Variants in ERCC6 observed in about 807,000 individuals in gnomAD.
ERCC6 encodes the protein ERCC excision repair 6, chromatin remodeling factor, also known as DNA excision repair protein ERCC-6.
A neutral mutation model predicts 158.7 loss-of-function variants in ERCC6; 116 were observed. The ratio of observed to expected loss-of-function variants is 0.73; its 90% CI spans 0.63 to 0.85. ERCC6 has a LOEUF of 0.85. Ranked by LOEUF, ERCC6 falls within the 40% of genes least tolerant of loss-of-function variation. The pLI is 0.00. For synonymous variants in ERCC6, 678 were observed against 659.3 expected (o/e 1.03, Z -0.43); for missense variants, 1,698 against 1,799.4 (o/e 0.94, Z 1.02).
chr10:49,470,267 G>T lies in ERCC6; in HGVS notation c.3693C>A (p.Tyr1231Ter). Residue 1231 changes from tyrosine (Y) to a stop codon, truncating the protein, a stop_gained, in exon 18 of 21, where the codon TAC (tyrosine) becomes TAA (stop). Coordinates refer to ENST00000355832, the MANE Select transcript of ERCC6 (RefSeq NM_000124.4). LOFTEE classifies it high-confidence loss of function. ...TCTTGTTTTCACTGTCTTGCTTCTGGTAACGCCTTTTCTTCACCAGGTGTG... is the reference window on the plus strand; with the variant it reads ...TCTTGTTTTCACTGTCTTGCTTCTGTTAACGCCTTTTCTTCACCAGGTGTG... ...RIPHLVKKRR[Y>*]QKQDSENKSE... 1 of 1,614,098 alleles carries T rather than the reference G, an allele frequency of 6.2e-7. No homozygotes were observed. The highest frequency in any genetic ancestry group is 8.5e-7 in the Non-Finnish European group (1 of 1,180,000).
At chr10:49,492,754 A>C (rs961535685) in intron 8 of ERCC6, among the ~76,000 whole-genome samples, 1 of 152,216 alleles carries the variant, frequency 6.6e-6, no homozygotes, top group African/African-American at 2.4e-5. Flanking sequence ...TTCTGTATCC[A>C]CCTTCCTAAA....
chr10:49,531,211 C>T (rs1006138533), intron 2 of ERCC6, among the ~76,000 whole-genome samples: 2 of 152,136 alleles, frequency 1.3e-5, no homozygotes, highest in Non-Finnish European at 2.9e-5. Context: ...AAGCCCGTTA[C>T]GGAAGCCTTC....
intron 6 of ERCC6, chr10:49,503,442 G>A (rs4253113): frequency 5.3e-5 from 8 of 152,112 alleles, no homozygotes; most frequent in Admixed American, 2.6e-4. Flanking sequence ...ATCTCTAGCA[G>A]GATCCCCAAA....
In ERCC6 at chr10:49,530,852, G is replaced by C; in HGVS notation, c.423-12C>G. The C allele has an allele frequency of 6.2e-7, 1 of 1,612,302 alleles. No homozygotes were observed. Among genetic ancestry groups the C allele is most frequent in the Non-Finnish European group, 8.5e-7 (1 of 1,179,334 alleles). On this transcript the variant is annotated splice_polypyrimidine_tract_variant and intron_variant, in intron 2 of 20. Transcript: ENST00000355832. Reference sequence around the variant, plus strand: ...ATGTCGTACATGACCTGAAAAATAAGATAAATTGTCTATTTTGCACTCTGA... The same window carrying C: ...ATGTCGTACATGACCTGAAAAATAACATAAATTGTCTATTTTGCACTCTGA...
chr10:49,461,059 ATTAAGGT>A (rs1306131930), intron 19 of ERCC6, among the ~76,000 whole-genome samples: 1 of 152,212 alleles, frequency 6.6e-6, no homozygotes, highest in Non-Finnish European at 1.5e-5. Flanking sequence ...TAATTATCTC[ATTAAGGT>A]TTAATCATTA....
Position 49,534,142 on chromosome 10 carries a change from A to C in ERCC6, c.-14-1164T>G, listed in dbSNP as rs1489459400. Among the ~76,000 whole-genome samples the C allele has an allele frequency of 3.4e-5, 5 of 148,114 alleles. No homozygotes were observed. The East Asian group carries it at 7.7e-4, about 23-fold the overall frequency. On this transcript the variant is annotated intron_variant, in intron 1 of 20. Coordinates refer to ENST00000355832, the MANE Select transcript of ERCC6 (RefSeq NM_000124.4). ...GAGTGAGACTCAATCTCAAAAAAAA[A>C]AAAAAAAAAAAACAAAAAAAAAACT... is the stretch of plus-strand genomic sequence containing the variant.
intron 18 of ERCC6, among the ~76,000 whole-genome samples, chr10:49,465,160 A>C (rs1850652304): frequency 6.6e-6 from 1 of 152,198 alleles, no homozygotes; most frequent in Non-Finnish European, 1.5e-5. Context: ...ATAGGAACCC[A>C]CCTCTTGCAT....
intron 5 of ERCC6, among the ~76,000 whole-genome samples, chr10:49,511,827 G>A (rs1373194229): frequency 6.6e-6 from 1 of 152,188 alleles, no homozygotes; most frequent in Non-Finnish European, 1.5e-5. Context: ...CCACAGAGAA[G>A]TGAAAACCGA....
At chr10:49,441,895 C>A in the ERCC6 span, among the ~76,000 whole-genome samples, 1 of 152,292 alleles carries the variant, frequency 6.6e-6, no homozygotes, top group Admixed American at 6.5e-5. Context: ...CAAAAGCAGG[C>A]GGGAGAAAGT....
At position 49,487,478 on chromosome 10, in the gene ERCC6, C is replaced by T. The variant is rs183799039; in HGVS notation, c.1822-3962G>A. Among the ~76,000 whole-genome samples, 848 of 152,272 alleles carry T rather than the reference C, an allele frequency of 5.6e-3. 4 individuals carry two copies. The highest frequency in any genetic ancestry group is 7.1e-3 in the Non-Finnish European group (485 of 68,024). The stretch of plus-strand genomic sequence containing the variant: ...GGTGCACAACGGCCTTAAAAACACA[C>T]GTACGGGTTCCCTCAGGACTCCCTC... On this transcript the variant is annotated intron_variant, in intron 8 of 20. Transcript: ENST00000355832.
intron 13 of ERCC6, 109 bp from the exon 14 acceptor site, chr10:49,473,696 G>C: frequency 2.6e-6 from 2 of 783,896 alleles, no homozygotes; most frequent in East Asian, 4.9e-5. Flanking sequence ...TATGTTAAAA[G>C]GAGTTTCTTG....
chr10:49,472,796 A>G, intron 15 of ERCC6, 113 bp downstream of exon 15: 1 of 1,313,124 alleles, frequency 7.6e-7, no homozygotes, highest in Non-Finnish European at 1.1e-6. Context: ...GAGACAATCA[A>G]AATGTGAAAC....
At chr10:49,513,625 A>T (rs1225164112) in intron 5 of ERCC6, among the ~76,000 whole-genome samples, 3 of 152,214 alleles carry the variant, frequency 2.0e-5, no homozygotes, top group Non-Finnish European at 4.4e-5. Context: ...CTTCTTCACA[A>T]GGCGGCAGGA....
At chr10:49,460,075 T>A (rs979482750) in intron 20 of ERCC6, 6 of 461,256 alleles carry the variant, frequency 1.3e-5, no homozygotes, top group African/African-American at 9.9e-5. Context: ...AGCTGGCACT[T>A]TCCCTCTAGA....
In ERCC6 at chr10:49,458,606, T is replaced by C. The variant is rs763053884; in HGVS notation, c.*209A>G. 1.7e-6 allele frequency: 1 copy of C among 573,738 alleles called. No homozygotes were observed. The highest frequency in any genetic ancestry group is 3.0e-6 in the Non-Finnish European group (1 of 329,686). The allele number at this position is 573,738 out of a possible 1,614,324, so 35.5% of individuals were successfully genotyped here. A position where few individuals can be genotyped will look rare whatever the true frequency, so the allele number is the denominator to read the frequency against. The stretch of plus-strand genomic sequence containing the variant: ...CCAAAAAAAAAAAAATCAATCCAAG[T>C]ATTTTCTCCTTTAGCTAGCATTATT... On this transcript the variant is annotated 3_prime_UTR_variant, in exon 21 of 21. Coordinates refer to ENST00000355832, the MANE Select transcript of ERCC6 (RefSeq NM_000124.4).
intron 18 of ERCC6, among the ~76,000 whole-genome samples, chr10:49,462,963 T>C (rs1850610046): frequency 6.6e-6 from 1 of 152,230 alleles, no homozygotes; most frequent in Non-Finnish European, 1.5e-5. Flanking sequence ...CAATTCCTCT[T>C]GTATAAGCAC....
At chr10:49,463,809 G>A (rs1293080577) in intron 18 of ERCC6, among the ~76,000 whole-genome samples, 10 of 152,314 alleles carry the variant, frequency 6.6e-5, no homozygotes, top group Admixed American at 4.6e-4. Context: ...GTCCATGTAA[G>A]ATGTGACTTG....
intron 5 of ERCC6, chr10:49,515,246 C>A: frequency 6.9e-7 from 1 of 1,444,870 alleles, no homozygotes; most frequent in Non-Finnish European, 9.1e-7. Context: ...TGTGACGTTC[C>A]AAAATTGGAA....
At chr10:49,459,961 G>C in intron 20 of ERCC6, 1 of 278,446 alleles carries the variant, frequency 3.6e-6, no homozygotes. Flanking sequence ...GGGCATTCTT[G>C]AGCAGAGAAA....
Sources: allele counts gnomAD v4.1 joint callset (sites outside exome capture counted in the v4.1 genomes callset), GRCh38; gene constraint gnomAD v4.1.1; transcripts MANE v1.5; gene names NCBI Gene and HGNC (gene_info 2026-07-23, HGNC 2026-07-21).